The following MTMR7 variants were observed in gnomAD, a reference collection of about 807,000 sequenced individuals.
MTMR7 encodes the protein phosphatidylinositol-3-phosphate phosphatase MTMR7.
Under a neutral mutation model 81.2 loss-of-function variants are expected in MTMR7, and 76 were observed. That is an observed-to-expected ratio of 0.94 (90% CI 0.78 to 1.13). The LOEUF (loss-of-function observed/expected upper bound fraction) is 1.13. Among genes scored for constraint, MTMR7 ranks in the 50% most tolerant of loss-of-function variants. The probability of loss-of-function intolerance (pLI) is 0.00; values close to 1 mark genes in which losing one functional copy is unlikely to be tolerated. For missense variants in MTMR7, 1,044 were observed against 820.0 expected, an observed-to-expected ratio of 1.27 and a Z score of -3.34; for synonymous variants, 372 against 289.8, an observed-to-expected ratio of 1.28 and a Z score of -2.88.
chr8:17,362,421 G>A (rs1179373190), intron 3 of MTMR7, among the ~76,000 whole-genome samples: 6 of 152,178 alleles, frequency 3.9e-5, no homozygotes, highest in African/African-American at 1.4e-4. Flanking sequence ...CTCAGACCTT[G>A]TTTTGTTCCA....
In MTMR7 at chr8:17,297,858, A is replaced by T. The variant is rs954682717; in HGVS notation, c.*2004T>A. 2.0e-5 allele frequency: 3 copies of T among 152,084 alleles called. No individual in the cohort carries two copies. The highest frequency in any genetic ancestry group is 2.9e-5 in the Non-Finnish European group (2 of 67,934). 9.4% of individuals were successfully genotyped at this position (152,084 alleles called of 1,614,324 possible). On this transcript the variant is annotated 3_prime_UTR_variant, in exon 14 of 14. Transcript: ENST00000180173. Reference sequence around the variant, plus strand: ...AGTGCTAGGTTAACTTCTAATAAGCAGACGAACATGTTACATAAATTATAA... The same window carrying T: ...AGTGCTAGGTTAACTTCTAATAAGCTGACGAACATGTTACATAAATTATAA...
chr8:17,311,199 A>G (rs1563321803), intron 9 of MTMR7, among the ~76,000 whole-genome samples: 1 of 152,224 alleles, frequency 6.6e-6, no homozygotes, highest in Non-Finnish European at 1.5e-5. Context: ...CAAACTTGAA[A>G]TACTTATGAG....
At chr8:17,357,185 C>T (rs944017006) in intron 4 of MTMR7, among the ~76,000 whole-genome samples, 3 of 152,206 alleles carry the variant, frequency 2.0e-5, no homozygotes, top group Non-Finnish European at 4.4e-5. Context: ...TCAACAGTTA[C>T]TAATCTCTCT....
Position 17,371,130 on chromosome 8 carries a change from G to C in MTMR7, c.217C>G (p.Arg73Gly). 3 of 1,614,184 alleles carry C rather than the reference G, an allele frequency of 1.9e-6. No homozygotes were observed. Among genetic ancestry groups the C allele is most frequent in the Non-Finnish European group, 1.7e-6 (2 of 1,180,022 alleles). ...TTATGCPLLI[R>G]CKNFQIIQLI... ...TGTATTATCTGAAAGTTCTTGCAGC[G>C]AATCAGCAGAGGGCATCCGGTAGCG... The change falls in exon 3 of 14, where the codon CGC becomes GGC. Residue 73 changes from arginine to glycine, a missense_variant. By Grantham distance (125) the Arg-to-Gly change is moderately radical. Transcript: ENST00000180173.
chr8:17,400,935 G>C (rs1400998603), intron 1 of MTMR7, among the ~76,000 whole-genome samples: 12 of 152,096 alleles, frequency 7.9e-5, no homozygotes, highest in Non-Finnish European at 1.5e-4. Flanking sequence ...CTTTTAACAG[G>C]TCTAGCAAAA....
chr8:17,309,002 G>T (rs753555548), intron 10 of MTMR7, among the ~76,000 whole-genome samples: 6 of 152,198 alleles, frequency 3.9e-5, no homozygotes, highest in Admixed American at 3.9e-4. Flanking sequence ...AATGGCAGGA[G>T]GAAGGGAAGG....
chr8:17,347,751 G>A (rs548218612), intron 5 of MTMR7, among the ~76,000 whole-genome samples: 1 of 152,140 alleles, frequency 6.6e-6, no homozygotes, highest in Non-Finnish European at 1.5e-5. Context: ...CGCAGAAATG[G>A]AACTCTAAGT....
intron 4 of MTMR7, among the ~76,000 whole-genome samples, chr8:17,357,742 T>C (rs548966733): frequency 6.6e-6 from 1 of 152,300 alleles, no homozygotes; most frequent in African/African-American, 2.4e-5. Context: ...ACTGCAGACA[T>C]TGATGCTGGA....
At chr8:17,337,648 C>G (rs1819286854) in intron 6 of MTMR7, among the ~76,000 whole-genome samples, 1 of 152,122 alleles carries the variant, frequency 6.6e-6, no homozygotes, top group Admixed American at 6.5e-5. Context: ...CAGGGTCTCA[C>G]TCTGTTGCCC....
chr8:17,300,130 T>C lies in MTMR7; in HGVS notation c.1715A>G (p.Asp572Gly). ...CTGGGGAGTGTTGGCTATGCTGTTG[T>C]CTGAGGTAGAAAACCCTGAGTGCTT... is the stretch of plus-strand genomic sequence containing the variant. ...PSKHSGFSTS[D>G]NSIANTPQDY... Residue 572 changes from aspartate to glycine, a missense_variant, in exon 14 of 14, where the codon GAC (aspartate) becomes GGC (glycine). Transcript: ENST00000180173. The C allele has an allele frequency of 6.2e-7, 1 of 1,614,160 alleles. No individual in the cohort carries two copies. The highest frequency in any genetic ancestry group is 8.5e-7 in the Non-Finnish European group (1 of 1,180,004).
chr8:17,358,724 C>T (rs978615697), intron 4 of MTMR7, among the ~76,000 whole-genome samples: 1 of 152,082 alleles, frequency 6.6e-6, no homozygotes, highest in African/African-American at 2.4e-5. Context: ...ACAAAAACAT[C>T]AGTATCCTAC....
At chr8:17,316,299 T>C (rs777881488) in intron 7 of MTMR7, among the ~76,000 whole-genome samples, 1 of 151,984 alleles carries the variant, frequency 6.6e-6, no homozygotes, top group African/African-American at 2.4e-5. Flanking sequence ...ATATATATTA[T>C]AGTCTGCAAT....
At chr8:17,399,436 C>A (rs1821357224) in intron 1 of MTMR7, among the ~76,000 whole-genome samples, 2 of 151,988 alleles carry the variant, frequency 1.3e-5, no homozygotes, top group Non-Finnish European at 2.9e-5. Flanking sequence ...AGTAAAAGAT[C>A]TATAAAAGGC....
intron 4 of MTMR7, among the ~76,000 whole-genome samples, chr8:17,356,446 C>T (rs1319303826): frequency 6.6e-6 from 1 of 152,134 alleles, no homozygotes; most frequent in Admixed American, 6.5e-5. Context: ...TGCCTGTAAT[C>T]CCAACATTTT....
chr8:17,340,634 G>C lies in MTMR7; in HGVS notation c.732+729C>G, dbSNP rs114038708. Among the ~76,000 whole-genome samples, 1,220 of 152,302 alleles carry C rather than the reference G, an allele frequency of 8.0e-3. 18 individuals carry two copies. The highest frequency in any genetic ancestry group is 0.028 in the African/African-American group (1,152 of 41,568). On this transcript the variant is annotated intron_variant, in intron 6 of 13. Transcript: ENST00000180173. ...AAAGTTAAGGCTGAGTGGGAGGTAA[G>C]TGTAAGATCAATGTGGCTCACTCCT...
At chr8:17,395,201 T>C (rs761172507) in intron 1 of MTMR7, among the ~76,000 whole-genome samples, 4 of 152,166 alleles carry the variant, frequency 2.6e-5, no homozygotes, top group Non-Finnish European at 4.4e-5. Context: ...ATTTCACTTG[T>C]CTTCAATGTC....
intron 4 of MTMR7, among the ~76,000 whole-genome samples, chr8:17,350,833 A>G (rs1318996039): frequency 3.3e-5 from 5 of 152,252 alleles, no homozygotes; most frequent in African/African-American, 7.2e-5. Context: ...TCACAGGCCC[A>G]AAGTCTAATT....
At position 17,320,725 on chromosome 8, in the gene MTMR7, CCAG is replaced by C. The variant is rs1254237108; in HGVS notation, c.866-7327_866-7325del. On this transcript the variant is annotated intron_variant, in intron 7 of 13. Transcript: ENST00000180173. Reference sequence around the variant, plus strand: ...GAGATCTGATGCCTTGTGACAGTGCCCAGCAATACCAGACAGGCCCTCCAAGCA... The same window carrying C: ...GAGATCTGATGCCTTGTGACAGTGCCCAATACCAGACAGGCCCTCCAAGCA... Among the ~76,000 whole-genome samples the C allele has an allele frequency of 1.8e-4, 28 of 152,270 alleles. 1 individual carries two copies. The East Asian group carries it at 5.4e-3, about 29-fold the overall frequency.
chr8:17,371,861 T>G (rs199716762), intron 2 of MTMR7, among the ~76,000 whole-genome samples: 5,110 of 149,968 alleles, frequency 0.034, 457 homozygotes, highest in East Asian at 0.3. Flanking sequence ...GTTTTTTTTT[T>G]TTTTTTTTTT....
Sources: allele counts gnomAD v4.1 joint callset (sites outside exome capture counted in the v4.1 genomes callset), GRCh38; gene constraint gnomAD v4.1.1; transcripts MANE v1.5; gene names NCBI Gene and HGNC (gene_info 2026-07-23, HGNC 2026-07-21).